The following TJP1 variants were observed in gnomAD, a reference collection of about 807,000 sequenced individuals.
The protein encoded by TJP1 is tight junction protein ZO-1.
In TJP1, 43 loss-of-function variants were observed where a neutral mutation model predicts 194.2. That is an observed-to-expected ratio of 0.22 (90% confidence interval 0.17 to 0.29). The LOEUF (loss-of-function observed/expected upper bound fraction) is 0.29. Among genes scored for constraint, TJP1 ranks in the 10% least tolerant of loss-of-function variants. TJP1 has a pLI of 1.00. For synonymous variants in TJP1, 801 were observed against 779.0 expected, an observed-to-expected ratio of 1.03 and a Z score of -0.47; for missense variants, 1,971 against 2,185.7, an observed-to-expected ratio of 0.90 and a Z score of 1.96.
intron 8 of TJP1, among the ~76,000 whole-genome samples, chr15:29,750,364 C>G (rs772285031): frequency 7.9e-5 from 12 of 152,040 alleles, no homozygotes; most frequent in Admixed American, 1.3e-4. Flanking sequence ...GTCTTGAACT[C>G]CTGAGTTCAG....
chr15:29,711,934 G>T (rs190398180), intron 23 of TJP1, among the ~76,000 whole-genome samples: 1 of 152,288 alleles, frequency 6.6e-6, no homozygotes, highest in East Asian at 1.9e-4. Context: ...TGAGTTACCA[G>T]GTCCATTTTT....
At chr15:29,711,131 G>A (rs771621417) in intron 23 of TJP1, 131 bp from the exon 24 acceptor site, 7 of 1,004,806 alleles carry the variant, frequency 7.0e-6, no homozygotes, top group Non-Finnish European at 8.4e-6. Context: ...TCATGAGTAT[G>A]GGTAGCTACT....
intron 2 of TJP1, among the ~76,000 whole-genome samples, chr15:29,907,678 A>G (rs1014384833): frequency 2.0e-5 from 3 of 152,090 alleles, no homozygotes; most frequent in Non-Finnish European, 2.9e-5. Context: ...AAAAATAACA[A>G]ACCTCTTCAA....
At chr15:29,896,460 C>T (rs868865256) in intron 2 of TJP1, among the ~76,000 whole-genome samples, 1 of 152,172 alleles carries the variant, frequency 6.6e-6, no homozygotes, top group Non-Finnish European at 1.5e-5. Context: ...TTGGATATGT[C>T]TTTTTCAGCA....
intron 2 of TJP1, among the ~76,000 whole-genome samples, chr15:29,941,884 T>G (rs529761377): frequency 7.2e-5 from 11 of 152,226 alleles, no homozygotes; most frequent in African/African-American, 2.6e-4. Context: ...AAGTTAGGCT[T>G]AAACTGCTCT....
chr15:29,824,929 T>A (rs1318347282), upstream of TJP1, among the ~76,000 whole-genome samples: 1 of 152,200 alleles, frequency 6.6e-6, no homozygotes, highest in Non-Finnish European at 1.5e-5. Context: ...AACAAAAATA[T>A]TTCATCTTGA....
At chr15:29,863,948 G>C (rs1327124078) in intron 2 of TJP1, among the ~76,000 whole-genome samples, 2 of 152,070 alleles carry the variant, frequency 1.3e-5, no homozygotes, top group Non-Finnish European at 1.5e-5. Flanking sequence ...TTGTAAAGTA[G>C]ACCTTCCAAT....
chr15:29,879,145 T>TA (rs1175193655), intron 2 of TJP1, among the ~76,000 whole-genome samples: 1 of 151,822 alleles, frequency 6.6e-6, no homozygotes, highest in African/African-American at 2.4e-5. Context: ...AATAAAAAAA[T>TA]AAAAAAAATT....
chr15:29,705,904 T>C (rs1354135082), intron 25 of TJP1, among the ~76,000 whole-genome samples, 159 bp from the exon 26 acceptor site: 1 of 152,188 alleles, frequency 6.6e-6, no homozygotes, highest in East Asian at 1.9e-4. Context: ...ACTGACAGGG[T>C]TATCGCAGAG....
intron 2 of TJP1, among the ~76,000 whole-genome samples, chr15:29,851,902 G>A (rs1369880540): frequency 6.6e-6 from 1 of 152,174 alleles, no homozygotes; most frequent in Admixed American, 6.5e-5. Flanking sequence ...TTGGATAAAT[G>A]GTGCTACAGC....
intron 2 of TJP1, among the ~76,000 whole-genome samples, chr15:29,931,432 T>C (rs1052498638): frequency 6.6e-6 from 1 of 152,234 alleles, no homozygotes; most frequent in South Asian, 2.1e-4. Context: ...CATAAAGTTT[T>C]ATTGAAAGTA....
intron 18 of TJP1, among the ~76,000 whole-genome samples, chr15:29,725,275 A>C (rs1032606473): frequency 6.6e-6 from 1 of 152,188 alleles, no homozygotes; most frequent in Non-Finnish European, 1.5e-5. Context: ...GAAAAACCAT[A>C]GTTCTGACAC....
At chr15:29,847,429 C>A (rs1448096982) in intron 2 of TJP1, among the ~76,000 whole-genome samples, 1 of 151,990 alleles carries the variant, frequency 6.6e-6, no homozygotes, top group African/African-American at 2.4e-5. Context: ...TTTTGCTCTC[C>A]TTTTTCTAGG....
chr15:29,829,637 G>GAAAAAAAAAAAA (rs5811584), intron 2 of TJP1, among the ~76,000 whole-genome samples: 1 of 138,154 alleles, frequency 7.2e-6, no homozygotes, highest in African/African-American at 2.7e-5. Flanking sequence ...TTAAAAAAAA[G>GAAAAAAAAAAAA]AAAAAAAAAA....
intron 2 of TJP1, among the ~76,000 whole-genome samples, chr15:29,921,228 C>T (rs1302010687): frequency 6.6e-6 from 1 of 152,180 alleles, no homozygotes; most frequent in South Asian, 2.1e-4. Flanking sequence ...GGCACTCTCC[C>T]GTCACCTCCT....
At chr15:29,771,839 CCCTTT>C (rs1387450275) in intron 4 of TJP1, among the ~76,000 whole-genome samples, 1 of 151,970 alleles carries the variant, frequency 6.6e-6, no homozygotes, top group Non-Finnish European at 1.5e-5. Context: ...TTTAACTGTC[CCCTTT>C]CCTTTTTCAA....
chr15:29,708,531 A>G (rs778453158), intron 25 of TJP1, 28 bp downstream of exon 25: 6 of 1,547,440 alleles, frequency 3.9e-6, no homozygotes, highest in South Asian at 2.3e-5. Context: ...CACAGGGCCA[A>G]TGCTTTGAGC....
At chr15:29,802,655 T>TA (rs1230134327) in intron 1 of TJP1, among the ~76,000 whole-genome samples, 1 of 151,464 alleles carries the variant, frequency 6.6e-6, no homozygotes, top group South Asian at 2.1e-4. Flanking sequence ...ATAGTATGAG[T>TA]AAATCAGCTA....
chr15:29,918,588 A>G (rs911061264), intron 2 of TJP1, among the ~76,000 whole-genome samples: 15 of 152,240 alleles, frequency 9.9e-5, no homozygotes, highest in Admixed American at 9.8e-4. Flanking sequence ...TTACAAAAAA[A>G]TTAGCCAGGT....
Sources: allele counts gnomAD v4.1 joint callset (sites outside exome capture counted in the v4.1 genomes callset), GRCh38; gene constraint gnomAD v4.1.1; transcripts MANE v1.5; gene names NCBI Gene and HGNC (gene_info 2026-07-23, HGNC 2026-07-21).